The following GMPR variants were observed in gnomAD, a reference collection of about 807,000 sequenced individuals.
The protein encoded by GMPR is GMP reductase 1.
In GMPR, 31 loss-of-function variants were observed where a neutral mutation model predicts 38.4. The ratio of observed to expected loss-of-function variants is 0.81; its 90% CI spans 0.61 to 1.09. The LOEUF (loss-of-function observed/expected upper bound fraction) is 1.09, where lower values mean the gene tolerates loss of function less well. Among genes scored for constraint, GMPR ranks in the 50% least tolerant of loss-of-function variants. The pLI is 0.00. For missense variants in GMPR, 468 were observed against 453.7 expected (o/e 1.03, Z -0.29); for synonymous variants, 162 against 173.3 (o/e 0.93, Z 0.51).
intron 1 of GMPR, among the ~76,000 whole-genome samples, chr6:16,245,175 G>C (rs1758730363): frequency 6.6e-6 from 1 of 152,166 alleles, no homozygotes; most frequent in African/African-American, 2.4e-5. Flanking sequence ...CACTGAAGTA[G>C]AACCCAGAGT....
chr6:16,263,923 GTGTGAA>G (rs1759139319), intron 4 of GMPR, among the ~76,000 whole-genome samples: 1 of 151,802 alleles, frequency 6.6e-6, no homozygotes. Flanking sequence ...TTGCCGCTAA[GTGTGAA>G]GGAGAAGGGG....
At position 16,241,460 on chromosome 6, in the gene GMPR, A is replaced by C. The variant is rs139179965; in HGVS notation, c.87+2680A>C. On this transcript the variant is annotated intron_variant, in intron 1 of 8. Coordinates refer to ENST00000259727, the MANE Select transcript of GMPR (RefSeq NM_006877.4). ...AGGTCACCTCTGAGAGGCAAAGAAT[A>C]CAGGTAGCAGTGGCCCAGGTGGCCT... 8.3e-3 allele frequency among the ~76,000 whole-genome samples: 1,268 copies of C among 152,350 alleles called. 30 individuals are homozygous for C. The highest frequency in any genetic ancestry group is 0.03 in the African/African-American group (1,234 of 41,582).
chr6:16,286,608 GGTTTTT>G (rs1383855186), intron 7 of GMPR, among the ~76,000 whole-genome samples: 1 of 151,096 alleles, frequency 6.6e-6, no homozygotes, highest in African/African-American at 2.4e-5. Context: ...TTTGTTTTTT[GGTTTTT>G]GTTTTTAATT....
intron 4 of GMPR, among the ~76,000 whole-genome samples, chr6:16,265,882 T>C (rs80076236): frequency 0.067 from 10,213 of 152,250 alleles, 621 homozygotes; most frequent in African/African-American, 0.17. Flanking sequence ...GCGACGTTTA[T>C]GAGCTGTAAC....
At chr6:16,271,616 C>G (rs1370201032) in intron 4 of GMPR, among the ~76,000 whole-genome samples, 2 of 152,206 alleles carry the variant, frequency 1.3e-5, no homozygotes, top group Non-Finnish European at 2.9e-5. Context: ...GCTTCTTAGG[C>G]TCCTGTTAGG....
intron 7 of GMPR, chr6:16,290,191 A>G (rs1759810412): frequency 5.5e-6 from 2 of 363,270 alleles, no homozygotes; most frequent in Non-Finnish European, 1.0e-5. Flanking sequence ...GTAGTTAGCC[A>G]TTAAAAGCCA....
rs1491569014 is a variant in GMPR, at chr6:16,266,145, GCT to G, written c.466-8269_466-8268del. On this transcript the variant is annotated intron_variant, in intron 4 of 8. Coordinates refer to ENST00000259727, the MANE Select transcript of GMPR (RefSeq NM_006877.4). ...GCTGTAACACTTGCCATCTTTAAGA[GCT>G]GTAACACTTGCCATCTTTAAGAGCT... is the stretch of plus-strand genomic sequence containing the variant. 1.1e-4 allele frequency among the ~76,000 whole-genome samples: 14 copies of G among 126,210 alleles called. 1 individual carries two copies. Among genetic ancestry groups the G allele is most frequent in the Admixed American group, 8.0e-4 (11 of 13,666 alleles). 82.8% of individuals were successfully genotyped at this position (126,210 alleles called of 152,430 possible).
chr6:16,253,701 G>T (rs1758918128), intron 3 of GMPR, among the ~76,000 whole-genome samples: 1 of 152,168 alleles, frequency 6.6e-6, no homozygotes, highest in East Asian at 1.9e-4. Context: ...TTTATTGGGA[G>T]TGAAAATAAA....
At chr6:16,268,463 GAGACGA>G (rs1266164286) in intron 4 of GMPR, among the ~76,000 whole-genome samples, 1 of 152,162 alleles carries the variant, frequency 6.6e-6, no homozygotes, top group Non-Finnish European at 1.5e-5. Flanking sequence ...ATCTTTAGTA[GAGACGA>G]GGTTTTGCCA....
chr6:16,291,866 G>A lies in GMPR; in HGVS notation c.857+1245G>A, dbSNP rs977824392. On this transcript the variant is annotated intron_variant, in intron 8 of 8. Transcript: ENST00000259727. ...TTGGAGGCTGCAGTGAGCTATGATC[G>A]TGCCACTGTGCTCCAGCCTGGGCAA... Among the ~76,000 whole-genome samples the A allele has an allele frequency of 1.3e-4, 19 of 151,232 alleles. 1 individual carries two copies. Among genetic ancestry groups the A allele is most frequent in the Non-Finnish European group, 2.2e-4 (15 of 67,872 alleles).
chr6:16,272,105 G>A (rs2113692064), intron 4 of GMPR, among the ~76,000 whole-genome samples: 1 of 152,238 alleles, frequency 6.6e-6, no homozygotes, highest in African/African-American at 2.4e-5. Context: ...CCAGCTACTA[G>A]GGAGGCTGAG....
chr6:16,239,046 A>T (rs968303174), intron 1 of GMPR, among the ~76,000 whole-genome samples: 36 of 152,102 alleles, frequency 2.4e-4, no homozygotes, highest in African/African-American at 8.7e-4. Context: ...ACCACAGATG[A>T]GCGAGATCCA....
intron 4 of GMPR, among the ~76,000 whole-genome samples, chr6:16,265,872 G>A (rs898389319): frequency 6.6e-6 from 1 of 152,328 alleles, no homozygotes; most frequent in South Asian, 2.1e-4. Context: ...TTGGGTCCAC[G>A]CGACGTTTAT....
chr6:16,268,025 T>G (rs1277222842), intron 4 of GMPR, among the ~76,000 whole-genome samples: 1 of 152,216 alleles, frequency 6.6e-6, no homozygotes, highest in African/African-American at 2.4e-5. Context: ...CATTGAATGT[T>G]CCTTGAAAGC....
At chr6:16,278,731 C>T (rs1759522620) in intron 5 of GMPR, 53 bp from the exon 6 acceptor site, 2 of 1,220,762 alleles carry the variant, frequency 1.6e-6, no homozygotes, top group East Asian at 2.3e-5. Context: ...TTTCATGTCA[C>T]AGTCTTCTCA....
intron 5 of GMPR, 32 bp downstream of exon 5, chr6:16,274,528 T>A: frequency 1.6e-6 from 2 of 1,268,254 alleles, no homozygotes; most frequent in Admixed American, 1.7e-5. Flanking sequence ...GCAGAGGACG[T>A]GTGTGGGGAA....
At chr6:16,258,557 C>A (rs1359535925) in intron 4 of GMPR, among the ~76,000 whole-genome samples, 2 of 152,226 alleles carry the variant, frequency 1.3e-5, no homozygotes, top group Admixed American at 1.3e-4. Context: ...AACAGCGAGG[C>A]CCTCTCCAGC....
At chr6:16,246,526 G>C (rs1758758161) in intron 1 of GMPR, among the ~76,000 whole-genome samples, 1 of 152,180 alleles carries the variant, frequency 6.6e-6, no homozygotes, top group East Asian at 1.9e-4. Context: ...GATCCTCCCA[G>C]GAGGGGAATG....
chr6:16,265,341 A>C (rs1193698262), intron 4 of GMPR, among the ~76,000 whole-genome samples: 1 of 152,154 alleles, frequency 6.6e-6, no homozygotes, highest in Non-Finnish European at 1.5e-5. Flanking sequence ...GAGCTCAGGG[A>C]GCCTTCTGAG....
Sources: gnomAD v4.1 joint callset for allele counts (sites outside exome capture counted in the v4.1 genomes callset) on GRCh38, gnomAD v4.1.1 for gene constraint, MANE v1.5 for transcripts, NCBI Gene and HGNC (gene_info 2026-07-23, HGNC 2026-07-21) for gene names.